SLC38A6: variants seen among roughly 807,000 people sequenced by gnomAD.
The protein encoded by SLC38A6 is N system amino acid transporter NAT-1.
SLC38A6 carries 73 observed loss-of-function variants against 65.0 expected under a neutral mutation model. The ratio of observed to expected loss-of-function variants is 1.12; its 90% CI spans 0.93 to 1.37. The LOEUF (loss-of-function observed/expected upper bound fraction) is 1.37. SLC38A6 is among the 40% of genes most tolerant of loss of function. SLC38A6 has a pLI of 0.00. For missense variants in SLC38A6, 561 were observed against 531.1 expected (o/e 1.06, Z -0.55); for synonymous variants, 183 against 178.8 (o/e 1.02, Z -0.19).
intron 3 of SLC38A6, among the ~76,000 whole-genome samples, chr14:61,010,742 A>G (rs2039497391): frequency 6.6e-6 from 1 of 152,102 alleles, no homozygotes; most frequent in Non-Finnish European, 1.5e-5. Flanking sequence ...ATTGGTATAT[A>G]TATCTGTTTT....
chr14:61,015,241 T>G (rs546400101), intron 3 of SLC38A6, among the ~76,000 whole-genome samples: 1 of 152,314 alleles, frequency 6.6e-6, no homozygotes, highest in Non-Finnish European at 1.5e-5. Context: ...AAGCGCAGTA[T>G]TAGGGTGGGA....
intron 5 of SLC38A6, among the ~76,000 whole-genome samples, 171 bp downstream of exon 5, chr14:61,019,751 T>C (rs2040241918): frequency 1.3e-5 from 2 of 152,122 alleles, no homozygotes; most frequent in African/African-American, 4.8e-5. Flanking sequence ...TTAGCAGCAC[T>C]TGTGACAGTA....
rs1450686788 is a variant in SLC38A6, at chr14:61,025,406, G to A, written c.404-5039G>A. ...GTCTCTTGGGAAACTAGGATTGGGC[G>A]CGCAGATACATCGCCATCTGCTGGT... On this transcript the variant is annotated intron_variant, in intron 5 of 15. Transcript: ENST00000267488. Among the ~76,000 whole-genome samples the A allele has an allele frequency of 2.0e-5, 3 of 152,180 alleles. No homozygotes were observed. In the East Asian group the frequency reaches 5.8e-4, roughly 29 times the overall value.
Position 61,051,685 on chromosome 14 carries a change from G to T in SLC38A6, c.1051-102G>T, listed in dbSNP as rs912619319. 7 of 1,308,140 alleles carry T rather than the reference G, an allele frequency of 5.4e-6. No individual in the cohort carries two copies. The African/African-American group carries it at 1.0e-4, about 19-fold the overall frequency. The allele number at this position is 1,308,140 out of a possible 1,614,324, so 81.0% of individuals were successfully genotyped here. On this transcript the variant is annotated intron_variant, in intron 13 of 15. Coordinates refer to ENST00000267488, the MANE Select transcript of SLC38A6 (RefSeq NM_153811.3). Reference sequence around the variant, plus strand: ...GCTGTATTTTTGAAATCTAAATGATGTAGGAGGCAAAAATATCATGGTTGT... The same window carrying T: ...GCTGTATTTTTGAAATCTAAATGATTTAGGAGGCAAAAATATCATGGTTGT...
chr14:60,992,961 C>T (rs2038022664), intron 3 of SLC38A6, among the ~76,000 whole-genome samples: 1 of 152,016 alleles, frequency 6.6e-6, no homozygotes, highest in Non-Finnish European at 1.5e-5. Flanking sequence ...ATTCTCCTGC[C>T]TCAGCCTCCC....
In SLC38A6 at chr14:61,072,282, G is replaced by A. The variant is rs944329611; in HGVS notation, c.1291-6528G>A. 2.0e-5 allele frequency among the ~76,000 whole-genome samples: 3 copies of A among 151,798 alleles called. No homozygotes were observed. The South Asian group carries it at 6.3e-4, about 32-fold the overall frequency. On this transcript the variant is annotated intron_variant, in intron 15 of 16. Transcript: ENST00000354886. ...CATAGTAGGTGTATATATTTATGGAGTACATGACATGTTTCGATACAGACA... is the reference window on the plus strand; with the variant it reads ...CATAGTAGGTGTATATATTTATGGAATACATGACATGTTTCGATACAGACA...
At chr14:61,004,133 TA>T (rs1448212621) in intron 3 of SLC38A6, among the ~76,000 whole-genome samples, 9 of 152,316 alleles carry the variant, frequency 5.9e-5, no homozygotes, top group African/African-American at 2.2e-4. Context: ...TTTTTTAAAT[TA>T]AAAATAAGTT....
At chr14:61,075,436 C>T (rs1566736241) in intron 15 of SLC38A6, among the ~76,000 whole-genome samples, 1 of 152,154 alleles carries the variant, frequency 6.6e-6, no homozygotes, top group East Asian at 1.9e-4. Context: ...AGTCCGTGGG[C>T]ACATCAGGAG....
chr14:61,061,513 C>T lies in SLC38A6; in HGVS notation c.1290+9378C>T, dbSNP rs1166655712. Among the ~76,000 whole-genome samples the T allele has an allele frequency of 6.6e-5, 10 of 152,142 alleles. No homozygotes were observed. In the East Asian group the frequency reaches 1.9e-3, roughly 29 times the overall value. ...GGAGTAGTTTCTGTAGGAATAGTAC[C>T]TGCTCGTCTTTGTACATTTCCACTG... On this transcript the variant is annotated intron_variant, in intron 15 of 16. Transcript: ENST00000354886.
intron 3 of SLC38A6, among the ~76,000 whole-genome samples, chr14:61,014,856 G>T (rs1445250920): frequency 1.3e-5 from 2 of 152,190 alleles, no homozygotes; most frequent in African/African-American, 4.8e-5. Flanking sequence ...GAGGCATTCT[G>T]TCCCTTCTCA....
intron 5 of SLC38A6, among the ~76,000 whole-genome samples, chr14:61,024,273 G>A (rs1021615106): frequency 1.3e-5 from 2 of 152,102 alleles, no homozygotes; most frequent in Non-Finnish European, 2.9e-5. Flanking sequence ...TTATTCTAAG[G>A]TTATAGAAAT....
At chr14:61,006,619 A>C (rs1014234720) in intron 3 of SLC38A6, among the ~76,000 whole-genome samples, 9 of 152,232 alleles carry the variant, frequency 5.9e-5, no homozygotes, top group Non-Finnish European at 1.0e-4. Context: ...TCAAAACCAC[A>C]ATGAGATACC....
chr14:61,045,827 A>G (rs2042108167), intron 11 of SLC38A6, among the ~76,000 whole-genome samples: 1 of 150,766 alleles, frequency 6.6e-6, no homozygotes, highest in African/African-American at 2.4e-5. Context: ...TGGAGGTTAC[A>G]GTGAGCCGAG....
At chr14:61,080,952 CATT>C (rs1216305427) in intron 16 of SLC38A6, among the ~76,000 whole-genome samples, 2 of 152,216 alleles carry the variant, frequency 1.3e-5, no homozygotes, top group Non-Finnish European at 2.9e-5. Context: ...GGAAGGTTCA[CATT>C]GTTGAGTCTT....
chr14:61,020,266 C>T (rs924733077), intron 5 of SLC38A6, among the ~76,000 whole-genome samples: 5 of 152,008 alleles, frequency 3.3e-5, no homozygotes, highest in East Asian at 1.9e-4. Flanking sequence ...ACAATATCTT[C>T]GTTTTCTTTT....
At position 60,982,413 on chromosome 14, in the gene SLC38A6, G is replaced by A. The variant is rs2037123807; in HGVS notation, c.106-95G>A. The A allele has an allele frequency of 2.6e-6, 4 of 1,528,990 alleles. No individual in the cohort carries two copies. The Admixed American group carries it at 5.6e-5, about 21-fold the overall frequency. 94.7% of individuals were successfully genotyped at this position (1,528,990 alleles called of 1,614,324 possible). ...GTCATACAAACCCTGGTGGTTTGCA[G>A]CTTTTTTCCATAATCTTTCATTTAT... is the stretch of plus-strand genomic sequence containing the variant. On this transcript the variant is annotated intron_variant, in intron 1 of 15. Coordinates refer to ENST00000267488, the MANE Select transcript of SLC38A6 (RefSeq NM_153811.3).
At chr14:60,994,998 CAT>C in intron 3 of SLC38A6, among the ~76,000 whole-genome samples, 1 of 65,534 alleles carries the variant, frequency 1.5e-5, no homozygotes, top group Non-Finnish European at 3.1e-5. Context: ...AGCAAGACTC[CAT>C]CTCAAAAAAA....
At position 61,048,281 on chromosome 14, in the gene SLC38A6, CT is replaced by C. The variant is rs200368995; in HGVS notation, c.925+2115del. On this transcript the variant is annotated intron_variant, in intron 12 of 15. Transcript: ENST00000267488. ...CTAAAGCCCAGAGAGGTGAAGTGACCTGTCACAGAATTAAAGGCAGGTTTCC... is the reference window on the plus strand; with the variant it reads ...CTAAAGCCCAGAGAGGTGAAGTGACCGTCACAGAATTAAAGGCAGGTTTCC... The C allele has an allele frequency of 8.7e-4, 322 of 371,212 alleles. 1 individual carries two copies. The highest frequency in any genetic ancestry group is 6.6e-3 in the African/African-American group (310 of 46,810). The allele number at this position is 371,212 out of a possible 1,614,324, so 23.0% of individuals were successfully genotyped here. A position where few individuals can be genotyped will look rare whatever the true frequency, so the allele number is the denominator to read the frequency against.
intron 6 of SLC38A6, among the ~76,000 whole-genome samples, chr14:61,032,667 CTAAT>C (rs2041080920): frequency 6.6e-6 from 1 of 151,614 alleles, no homozygotes; most frequent in Admixed American, 6.6e-5. Flanking sequence ...TTATTTTTGG[CTAAT>C]TATATTAACT....
Sources: gnomAD v4.1 joint callset for allele counts (sites outside exome capture counted in the v4.1 genomes callset) on GRCh38, gnomAD v4.1.1 for gene constraint, MANE v1.5 for transcripts, NCBI Gene and HGNC (gene_info 2026-07-23, HGNC 2026-07-21) for gene names.